The following WDPCP variants were observed in gnomAD, a reference collection of about 807,000 sequenced individuals.
WDPCP encodes WD repeat containing planar cell polarity effector.
A neutral mutation model predicts 93.1 loss-of-function variants in WDPCP; 71 were observed. That is an observed-to-expected ratio of 0.76 (90% CI 0.63 to 0.93). WDPCP has a LOEUF of 0.93. Among genes scored for constraint, WDPCP ranks in the 40% least tolerant of loss-of-function variants. WDPCP has a pLI of 0.00. For missense variants in WDPCP, 844 were observed against 887.4 expected (o/e 0.95, Z 0.62); for synonymous variants, 315 against 315.0 (o/e 1.00, Z 0.00).
chr2:63,190,624 TTTATA>T (rs1035896451), intron 14 of WDPCP, among the ~76,000 whole-genome samples: 1 of 151,968 alleles, frequency 6.6e-6, no homozygotes, highest in Non-Finnish European at 1.5e-5. Flanking sequence ...AGAAAAAAAA[TTTATA>T]TTAACTATTT....
chr2:63,788,711 T>G (rs1670503118), intron 2 of WDPCP, among the ~76,000 whole-genome samples: 1 of 152,228 alleles, frequency 6.6e-6, no homozygotes, highest in African/African-American at 2.4e-5. Context: ...AATATTGCCT[T>G]AATTTTTTTG....
chr2:63,597,506 A>G, intron 3 of WDPCP: 1 of 1,517,144 alleles, frequency 6.6e-7, no homozygotes, highest in Non-Finnish European at 8.9e-7. Flanking sequence ...AGATTTACTG[A>G]AAGCAAATGT....
chr2:63,415,437 G>C (rs968893670), intron 9 of WDPCP, among the ~76,000 whole-genome samples: 1 of 152,118 alleles, frequency 6.6e-6, no homozygotes, highest in African/African-American at 2.4e-5. Flanking sequence ...ATAGTAGTAA[G>C]CAAGAAAATA....
chr2:63,218,245 T>C (rs1226155757), intron 14 of WDPCP, among the ~76,000 whole-genome samples: 2 of 152,272 alleles, frequency 1.3e-5, no homozygotes, highest in Non-Finnish European at 2.9e-5. Flanking sequence ...TTATTGAATA[T>C]ATTATGCTTT....
chr2:63,781,686 T>C (rs1248711886), intron 2 of WDPCP, among the ~76,000 whole-genome samples: 1 of 152,086 alleles, frequency 6.6e-6, no homozygotes, highest in East Asian at 1.9e-4. Context: ...AGGTATAAGA[T>C]ACAAGAGAAG....
intron 6 of WDPCP, among the ~76,000 whole-genome samples, chr2:63,453,375 A>T (rs1015157152): frequency 2.0e-5 from 3 of 152,242 alleles, no homozygotes; most frequent in African/African-American, 7.2e-5. Flanking sequence ...AGAGAAATGC[A>T]TATCAAAACT....
Position 63,437,371 on chromosome 2 carries a change from T to A in WDPCP, c.633+50A>T, listed in dbSNP as rs202021534. On this transcript the variant is annotated intron_variant, in intron 8 of 17. Coordinates refer to ENST00000272321, the MANE Select transcript of WDPCP (RefSeq NM_015910.7). ...CAGAATACCAACTTATGTGATACTCTCATATACCTTAATAATTAATAATAT... is the reference window on the plus strand; with the variant it reads ...CAGAATACCAACTTATGTGATACTCACATATACCTTAATAATTAATAATAT... The A allele has an allele frequency of 4.9e-6, 7 of 1,428,572 alleles. No individual in the cohort carries two copies. In the South Asian group the frequency reaches 9.1e-5, roughly 19 times the overall value. The allele number at this position is 1,428,572 out of a possible 1,614,324, so 88.5% of individuals were successfully genotyped here. A position where few individuals can be genotyped will look rare whatever the true frequency, so the allele number is the denominator to read the frequency against.
intron 11 of WDPCP, 28 bp from the exon 12 acceptor site, chr2:63,378,537 A>G (rs1407231195): frequency 6.2e-7 from 1 of 1,612,682 alleles, no homozygotes. Flanking sequence ...AGCAGCACTA[A>G]AACAAGTGAA....
chr2:63,214,921 GGGA>G (rs1227360400), intron 14 of WDPCP, among the ~76,000 whole-genome samples: 3 of 152,082 alleles, frequency 2.0e-5, no homozygotes, highest in Admixed American at 6.6e-5. Flanking sequence ...TACAAGGGAT[GGGA>G]AGGACCACTT....
chr2:63,614,964 C>G (rs901805801), intron 3 of WDPCP, among the ~76,000 whole-genome samples: 1 of 152,200 alleles, frequency 6.6e-6, no homozygotes, highest in Non-Finnish European at 1.5e-5. Flanking sequence ...TGAAGCCTCC[C>G]GTATCACATA....
intron 17 of WDPCP, among the ~76,000 whole-genome samples, chr2:63,124,287 G>A (rs1218914700): frequency 6.6e-6 from 1 of 151,904 alleles, no homozygotes; most frequent in African/African-American, 2.4e-5. Context: ...TTCCAAGGAA[G>A]ACTGATCTTC....
At chr2:63,286,074 T>G (rs1370497408) in intron 13 of WDPCP, among the ~76,000 whole-genome samples, 1 of 152,060 alleles carries the variant, frequency 6.6e-6, no homozygotes, top group Admixed American at 6.6e-5. Context: ...GTGACAATCA[T>G]CGCTCACTGC....
chr2:63,159,243 C>A (rs933144105), intron 15 of WDPCP, among the ~76,000 whole-genome samples: 1 of 142,686 alleles, frequency 7.0e-6, no homozygotes, highest in African/African-American at 2.6e-5. Context: ...CTTTTTGATA[C>A]TTGGGTTTTT....
At chr2:63,323,527 A>G (rs1211595091) in intron 12 of WDPCP, among the ~76,000 whole-genome samples, 1 of 152,126 alleles carries the variant, frequency 6.6e-6, no homozygotes, top group African/African-American at 2.4e-5. Context: ...TCCTATTCAT[A>G]TAAGTAAGGA....
At chr2:63,619,889 G>A (rs1709713766) in intron 3 of WDPCP, among the ~76,000 whole-genome samples, 1 of 152,140 alleles carries the variant, frequency 6.6e-6, no homozygotes, top group Admixed American at 6.5e-5. Context: ...AAGCAGAGTG[G>A]GACATTGCCT....
At chr2:63,240,706 G>A (rs1039797297) in intron 14 of WDPCP, among the ~76,000 whole-genome samples, 5 of 152,058 alleles carry the variant, frequency 3.3e-5, no homozygotes, top group African/African-American at 4.8e-5. Context: ...ATGTGAATAC[G>A]GGTTATTCTG....
At chr2:63,538,114 A>G (rs1324299164) in intron 1 of WDPCP, among the ~76,000 whole-genome samples, 3 of 152,174 alleles carry the variant, frequency 2.0e-5, no homozygotes, top group South Asian at 2.1e-4. Context: ...AACATTATGT[A>G]CAATAGAAAA....
chr2:63,608,416 A>G (rs1333263455), intron 3 of WDPCP, among the ~76,000 whole-genome samples: 1 of 152,168 alleles, frequency 6.6e-6, no homozygotes, highest in Non-Finnish European at 1.5e-5. Context: ...ATGATGGCAG[A>G]AGGCATTTTC....
At chr2:63,495,391 T>G (rs1189549954) in intron 1 of WDPCP, among the ~76,000 whole-genome samples, 1 of 152,250 alleles carries the variant, frequency 6.6e-6, no homozygotes, top group East Asian at 1.9e-4. Flanking sequence ...GTTAGTTTTA[T>G]GAGGCTTATT....
Sources: allele counts gnomAD v4.1 joint callset (sites outside exome capture counted in the v4.1 genomes callset), GRCh38; gene constraint gnomAD v4.1.1; transcripts MANE v1.5; gene names NCBI Gene and HGNC (gene_info 2026-07-23, HGNC 2026-07-21).